SIN3B: variants seen among roughly 807,000 people sequenced by gnomAD.
SIN3B encodes SIN3 transcription regulator family member B.
SIN3B carries 19 observed loss-of-function variants against 120.2 expected under a neutral mutation model. That is an observed-to-expected ratio of 0.16 (90% CI 0.11 to 0.23). The LOEUF (loss-of-function observed/expected upper bound fraction) is 0.23, where lower values mean the gene tolerates loss of function less well. SIN3B is among the 10% of genes least tolerant of loss of function. The pLI is 1.00. For synonymous variants in SIN3B, 654 were observed against 653.2 expected, an observed-to-expected ratio of 1.00 and a Z score of -0.02; for missense variants, 1,073 against 1,573.0, an observed-to-expected ratio of 0.68 and a Z score of 5.38.
chr19:16,856,791 C>T (rs551670853), intron 8 of SIN3B, among the ~76,000 whole-genome samples: 4 of 152,170 alleles, frequency 2.6e-5, no homozygotes, highest in South Asian at 4.1e-4. Context: ...AGGCTGGTCT[C>T]GAACTCCTGA....
chr19:16,852,066 T>G (rs1215029610), intron 6 of SIN3B, among the ~76,000 whole-genome samples: 2 of 152,240 alleles, frequency 1.3e-5, no homozygotes, highest in African/African-American at 4.8e-5. Flanking sequence ...TATAATCCAT[T>G]CTAGTGTTGA....
chr19:16,875,495 C>CTGGTT (rs1178351776), intron 14 of SIN3B, among the ~76,000 whole-genome samples: 2 of 127,834 alleles, frequency 1.6e-5, no homozygotes, highest in Non-Finnish European at 3.2e-5. Context: ...TGGGTCTGGT[C>CTGGTT]TGGTTTGGTC....
At chr19:16,853,027 G>T in intron 6 of SIN3B, 42 bp from the exon 7 acceptor site, 1 of 1,516,238 alleles carries the variant, frequency 6.6e-7, no homozygotes. Context: ...GAGGCCACCG[G>T]TGGGAGGCAC....
intron 4 of SIN3B, 89 bp from the exon 5 acceptor site, chr19:16,846,881 C>T: frequency 7.2e-7 from 1 of 1,383,002 alleles, no homozygotes; most frequent in South Asian, 1.3e-5. Flanking sequence ...TCATCCTGTC[C>T]CCTTCACGGA....
chr19:16,879,335 C>T lies in SIN3B; in HGVS notation c.*608C>T, dbSNP rs534194634. ...AACCTTTGGGATCCCATTTTGAAGT[C>T]CAGAGCTGGAGCAGGCGGGCAGTGC... On this transcript the variant is annotated 3_prime_UTR_variant, in exon 19 of 19. Transcript: ENST00000248054. 1.3e-5 allele frequency: 2 copies of T among 152,766 alleles called. No homozygotes were observed. Among genetic ancestry groups the T allele is most frequent in the East Asian group, 1.9e-4 (1 of 5,184 alleles). The allele number at this position is 152,766 out of a possible 1,614,324, so 9.5% of individuals were successfully genotyped here.
In SIN3B at chr19:16,847,107, G is replaced by A. The variant is rs1381070990; in HGVS notation, c.720G>A (p.Arg240=). 3 of 1,610,638 alleles carry A rather than the reference G, an allele frequency of 1.9e-6. No individual in the cohort carries two copies. Among genetic ancestry groups the A allele is most frequent in the South Asian group, 1.1e-5 (1 of 90,970 alleles). ...GACAGTTCCTGCCCGAAGCCAAGCGGTCTCTGGTGAGTGCCGAGAGCCCCT... is the reference window on the plus strand; with the variant it reads ...GACAGTTCCTGCCCGAAGCCAAGCGATCTCTGGTGAGTGCCGAGAGCCCCT... ...EFGQFLPEAK[R]SLFTGNGPCE... is the part of the protein sequence containing the mutation. Residue 240 remains arginine, a synonymous_variant, in exon 5 of 19, where the codon CGG becomes CGA. Coordinates refer to ENST00000248054, the MANE Select transcript of SIN3B (RefSeq NM_001297595.2).
intron 17 of SIN3B, among the ~76,000 whole-genome samples, chr19:16,877,866 C>T (rs2051631257): frequency 6.6e-6 from 1 of 152,140 alleles, no homozygotes; most frequent in Non-Finnish European, 1.5e-5. Flanking sequence ...CCCCACGATG[C>T]GTCAGTGGGT....
At position 16,847,043 on chromosome 19, in the gene SIN3B, A is replaced by C; in HGVS notation, c.656A>C (p.Asn219Thr). The C allele has an allele frequency of 1.9e-6, 3 of 1,614,068 alleles. No homozygotes were observed. The highest frequency in any genetic ancestry group is 1.7e-6 in the Non-Finnish European group (2 of 1,179,972). ...SEEEVFTEVANLFRGQEDLLS... is the reference protein window; with the variant it reads ...SEEEVFTEVATLFRGQEDLLS... ...GAGGAGGTGTTCACCGAGGTGGCCA[A>C]CCTCTTCCGGGGCCAGGAGGACCTG... Residue 219 changes from asparagine (N) to threonine (T), a missense_variant, in exon 5 of 19, where the codon AAC becomes ACC. Around this residue, in one of 7 missense-constraint regions of SIN3B, gnomAD observed 395 missense variants for 528.0 expected, o/e 0.75. Coordinates refer to ENST00000248054, the MANE Select transcript of SIN3B (RefSeq NM_001297595.2).
intron 14 of SIN3B, among the ~76,000 whole-genome samples, chr19:16,873,522 T>G: frequency 8.9e-6 from 1 of 112,720 alleles, no homozygotes; most frequent in East Asian, 2.9e-4. Context: ...GTCTGTCCCC[T>G]CCCCCCCCCC....
chr19:16,838,718 C>T (rs1971379020), intron 3 of SIN3B, among the ~76,000 whole-genome samples: 1 of 152,154 alleles, frequency 6.6e-6, no homozygotes, highest in East Asian at 1.9e-4. Flanking sequence ...GTCGCCCAGG[C>T]TGGAGTGCAG....
intron 3 of SIN3B, among the ~76,000 whole-genome samples, chr19:16,839,876 C>T (rs981243584): frequency 2.6e-5 from 4 of 152,000 alleles, no homozygotes; most frequent in Non-Finnish European, 5.9e-5. Flanking sequence ...AATTAGCCAG[C>T]GTGGTCGCAC....
Position 16,829,608 on chromosome 19 carries a change from C to T in SIN3B, c.120+68C>T, listed in dbSNP as rs866571109. 68 of 1,248,982 alleles carry T rather than the reference C, an allele frequency of 5.4e-5. No homozygotes were observed. In the African/African-American group the frequency reaches 8.5e-4, roughly 16 times the overall value. 77.4% of individuals were successfully genotyped at this position (1,248,982 alleles called of 1,614,324 possible). A position where few individuals can be genotyped will look rare whatever the true frequency, so the allele number is the denominator to read the frequency against. On this transcript the variant is annotated intron_variant, in intron 1 of 18. Coordinates refer to ENST00000248054, the MANE Select transcript of SIN3B (RefSeq NM_001297595.2). Reference sequence around the variant, plus strand: ...GACCCCGCGGGCGGGCGCCCCTCACCCAGGCCCCGCCCGGCCCCAGCCCCA... The same window carrying T: ...GACCCCGCGGGCGGGCGCCCCTCACTCAGGCCCCGCCCGGCCCCAGCCCCA...
chr19:16,877,499 G>A, intron 16 of SIN3B, 46 bp from the exon 17 acceptor site: 1 of 1,410,934 alleles, frequency 7.1e-7, no homozygotes, highest in South Asian at 1.2e-5. Context: ...AGTGGCCATA[G>A]CCCTGCTGTA....
rs150661186 is a variant in SIN3B at position 16,876,501 on chromosome 19, C to G, written c.2782C>G (p.Arg928Gly). ...ENCFKVMFLQRKGQVIMTIEL... is the reference protein window; with the variant it reads ...ENCFKVMFLQGKGQVIMTIEL... ...TGCTCCGCAGGTGATGTTCCTGCAG[C>G]GCAAAGGGCAGGTGATCATGACCAT... Residue 928 changes from arginine (R) to glycine (G), a missense_variant, in exon 16 of 19, where the codon CGC becomes GGC. Physicochemically the swap from Arg to Gly is moderately radical, Grantham distance 125 (BLOSUM62 -2). Transcript: ENST00000248054. This position sits in a 1 kb window ranked among gnomAD's most constrained non-coding sequence, Gnocchi z 7.1. The G allele has an allele frequency of 1.2e-5, 20 of 1,613,106 alleles. No homozygotes were observed. Among genetic ancestry groups the G allele is most frequent in the Non-Finnish European group, 1.6e-5 (19 of 1,179,840 alleles).
intron 9 of SIN3B, chr19:16,863,306 TCCAC>T: frequency 2.1e-6 from 1 of 466,856 alleles, no homozygotes; most frequent in African/African-American, 1.9e-5. Flanking sequence ...TAAAGCGTAA[TCCAC>T]ATTTTAAGAA....
chr19:16,864,940 T>C (rs2144613017), intron 10 of SIN3B, among the ~76,000 whole-genome samples: 1 of 151,878 alleles, frequency 6.6e-6, no homozygotes, highest in East Asian at 2.0e-4. Context: ...GTTCAAGCGA[T>C]TCTCCTGCCT....
chr19:16,851,207 C>A (rs1354841606), intron 5 of SIN3B, among the ~76,000 whole-genome samples: 1 of 152,194 alleles, frequency 6.6e-6, no homozygotes, highest in African/African-American at 2.4e-5. Context: ...CCCAGCCTGG[C>A]AGTGTTAGTC....
chr19:16,853,511 G>A (rs1164262349), intron 7 of SIN3B, among the ~76,000 whole-genome samples: 1 of 152,262 alleles, frequency 6.6e-6, no homozygotes, highest in Non-Finnish European at 1.5e-5. Context: ...CCGTGTGCAT[G>A]GGCTGTGAAT....
At chr19:16,830,925 C>T (rs938916131) in intron 2 of SIN3B, among the ~76,000 whole-genome samples, 2 of 152,174 alleles carry the variant, frequency 1.3e-5, no homozygotes, top group Non-Finnish European at 2.9e-5. Flanking sequence ...TTTTCAGAAC[C>T]GAGTACCCAT....
Sources: allele counts gnomAD v4.1 joint callset (sites outside exome capture counted in the v4.1 genomes callset), GRCh38; gene constraint gnomAD v4.1.1; regional missense constraint gnomAD v4.1.1; non-coding constraint Gnocchi (gnomAD v3.1); transcripts MANE v1.5; gene names NCBI Gene and HGNC (gene_info 2026-07-23, HGNC 2026-07-21).